The following C10orf53 variants were observed in gnomAD, a reference collection of about 807,000 sequenced individuals.
C10orf53 encodes UPF0728 protein C10orf53.
In C10orf53, 8 loss-of-function variants were observed where a neutral mutation model predicts 9.4. The ratio of observed to expected loss-of-function variants is 0.85; its 90% CI spans 0.50 to 1.53. The LOEUF (loss-of-function observed/expected upper bound fraction) is 1.53, where lower values mean the gene tolerates loss of function less well. Ranked by LOEUF, C10orf53 falls within the 40% of genes most tolerant of loss-of-function variation. The probability of loss-of-function intolerance (pLI) is 0.00; values close to 1 mark genes in which losing one functional copy is unlikely to be tolerated. For missense variants in C10orf53, 117 were observed against 117.8 expected (o/e 0.99, Z 0.03); for synonymous variants, 48 against 46.0 (o/e 1.04, Z -0.18).
chr10:49,709,402 T>G (rs147199848), exon 3 of C10orf53: 1 of 152,256 alleles, frequency 6.6e-6, no homozygotes, highest in East Asian at 1.9e-4. Flanking sequence ...CTCGGCAGCA[T>G]GACCATGGGC....
downstream of C10orf53, among the ~76,000 whole-genome samples, chr10:49,699,814 G>A (rs1311199284): frequency 2.6e-5 from 4 of 152,156 alleles, no homozygotes. Context: ...ATGAAATAAA[G>A]ACATTTGAGA....
chr10:49,694,635 C>T lies in C10orf53; in HGVS notation c.*33C>T, dbSNP rs201121438. ...ATGGAACAGGCATCTCAAGTCGGCACAACAGCAGCTGCCCCAGCCATTCTA... is the reference window on the plus strand; with the variant it reads ...ATGGAACAGGCATCTCAAGTCGGCATAACAGCAGCTGCCCCAGCCATTCTA... On this transcript the variant is annotated 3_prime_UTR_variant, in exon 3 of 3. Coordinates refer to ENST00000374111, the MANE Select transcript of C10orf53 (RefSeq NM_001042427.3). The T allele has an allele frequency of 5.6e-4, 899 of 1,613,678 alleles. No individual in the cohort carries two copies. The highest frequency in any genetic ancestry group is 7.0e-4 in the Non-Finnish European group (831 of 1,179,922).
At position 49,708,614 on chromosome 10, in the gene C10orf53, C is replaced by A; in HGVS notation, c.471C>A (p.Tyr157Ter). The A allele has an allele frequency of 6.2e-7, 1 of 1,613,978 alleles. No homozygotes were observed. Among genetic ancestry groups the A allele is most frequent in the Non-Finnish European group, 8.5e-7 (1 of 1,179,974 alleles). ...TAGAGAAGAGGGGAACTCAGCCCTA[C>A]TGAAATCGACAGGACAGATTGTGGG... The change falls in exon 3 of 3, where the codon TAC becomes TAA. Residue 157 changes from tyrosine to a stop codon, truncating the protein, a stop_gained. Transcript: ENST00000374112. LOFTEE classifies it high-confidence loss of function.
chr10:49,686,635 C>T (rs1190933710), intron 1 of C10orf53, among the ~76,000 whole-genome samples: 1 of 152,194 alleles, frequency 6.6e-6, no homozygotes, highest in Non-Finnish European at 1.5e-5. Flanking sequence ...CTAGGAGTAT[C>T]TGTCTTATGC....
chr10:49,704,308 C>T (rs1313581965), intron 2 of C10orf53, among the ~76,000 whole-genome samples: 2 of 152,144 alleles, frequency 1.3e-5, no homozygotes, highest in Non-Finnish European at 2.9e-5. Flanking sequence ...TCCCACAAAT[C>T]ACTAAGAAAA....
chr10:49,694,806 A>G lies in C10orf53; in HGVS notation c.*204A>G, dbSNP rs1840619719. 1 of 1,389,898 alleles carries G rather than the reference A, an allele frequency of 7.2e-7. No homozygotes were observed. Among genetic ancestry groups the G allele is most frequent in the African/African-American group, 1.4e-5 (1 of 69,066 alleles). 86.1% of individuals were successfully genotyped at this position (1,389,898 alleles called of 1,614,324 possible). A position where few individuals can be genotyped will look rare whatever the true frequency, so the allele number is the denominator to read the frequency against. On this transcript the variant is annotated 3_prime_UTR_variant, in exon 3 of 3. Transcript: ENST00000374111. ...AGCCCACAGAAATAATAAAAACCAC[A>G]TCATTTATAACATGTCTCAATCTCA...
intron 2 of C10orf53, chr10:49,694,297 A>C: frequency 1.6e-6 from 1 of 615,508 alleles, no homozygotes; most frequent in Non-Finnish European, 2.8e-6. Flanking sequence ...CCAGCAGTGC[A>C]TGACACTATC....
chr10:49,695,377 G>A lies in C10orf53; in HGVS notation c.*775G>A, dbSNP rs1460856653. ...TTACTTTCCACTCTTACGCACCAAT[G>A]TGTAGTATATATTCTTAACTATAGA... On this transcript the variant is annotated 3_prime_UTR_variant, in exon 3 of 3. Transcript: ENST00000374111. The A allele has an allele frequency of 6.6e-6, 1 of 152,160 alleles. No individual in the cohort carries two copies. The highest frequency in any genetic ancestry group is 1.9e-4 in the East Asian group (1 of 5,196). The allele number at this position is 152,160 out of a possible 1,614,324, so 9.4% of individuals were successfully genotyped here.
At chr10:49,708,273 T>C (rs2132894649) in intron 2 of C10orf53, 2 of 1,542,656 alleles carry the variant, frequency 1.3e-6, no homozygotes, top group Middle Eastern at 2.4e-4. Flanking sequence ...GCTATAGGCA[T>C]AGGTGAATAT....
At position 49,685,688 on chromosome 10, in the gene C10orf53, C is replaced by A. The variant is rs538605902; in HGVS notation, c.97+5894C>A. 7.2e-5 allele frequency among the ~76,000 whole-genome samples: 11 copies of A among 152,256 alleles called. No individual in the cohort carries two copies. The South Asian group carries it at 2.3e-3, about 32-fold the overall frequency. On this transcript the variant is annotated intron_variant, in intron 1 of 2. Transcript: ENST00000374111. ...CACTGCCTTCTGGCCTCCATGGATT[C>A]TGATGAGAAAGCTGATAATCTTATT...
intron 1 of C10orf53, 21 bp from the exon 2 acceptor site, chr10:49,693,753 C>T: frequency 6.2e-7 from 1 of 1,610,680 alleles, no homozygotes; most frequent in African/African-American, 1.3e-5. Context: ...TGTCACTCAC[C>T]TCCTTTTCTT....
At chr10:49,683,141 C>T (rs1487385462) in intron 1 of C10orf53, among the ~76,000 whole-genome samples, 1 of 152,184 alleles carries the variant, frequency 6.6e-6, no homozygotes, top group East Asian at 1.9e-4. Flanking sequence ...AAACTGTTTT[C>T]CAAAGCAGCT....
intron 2 of C10orf53, among the ~76,000 whole-genome samples, chr10:49,704,693 G>A (rs569063387): frequency 2.6e-5 from 4 of 152,218 alleles, no homozygotes; most frequent in Admixed American, 6.5e-5. Flanking sequence ...GCAGTGAGTC[G>A]AGATTGCACC....
In C10orf53 at chr10:49,696,184, CA is replaced by C. The variant is rs1653584872; in HGVS notation, c.*1583del. On this transcript the variant is annotated 3_prime_UTR_variant, in exon 3 of 3. Coordinates refer to ENST00000374111, the MANE Select transcript of C10orf53 (RefSeq NM_001042427.3). ...AATTTTTCAACTTTTATTTTAGATA[CA>C]GGGGGTACATGGGCAGGTATGTTGA... 1 of 152,096 alleles carries C rather than the reference CA, an allele frequency of 6.6e-6. No individual in the cohort carries two copies. Among genetic ancestry groups the C allele is most frequent in the East Asian group, 1.9e-4 (1 of 5,188 alleles). The allele number at this position is 152,096 out of a possible 1,614,324, so 9.4% of individuals were successfully genotyped here. A position where few individuals can be genotyped will look rare whatever the true frequency, so the allele number is the denominator to read the frequency against.
At chr10:49,680,889 A>G (rs1717017498) in intron 1 of C10orf53, among the ~76,000 whole-genome samples, 2 of 152,220 alleles carry the variant, frequency 1.3e-5, no homozygotes, top group South Asian at 4.1e-4. Flanking sequence ...GACACCAAAG[A>G]TGGACCAAAA....
intron 2 of C10orf53, 138 bp downstream of exon 2, chr10:49,694,031 C>A (rs207470878): frequency 6.5e-6 from 8 of 1,226,806 alleles, no homozygotes; most frequent in Non-Finnish European, 9.3e-6. Context: ...TACTGAAAGC[C>A]CTGTGCTTTC....
intron 1 of C10orf53, among the ~76,000 whole-genome samples, chr10:49,685,191 T>G (rs1167309093): frequency 3.3e-5 from 5 of 152,032 alleles, no homozygotes; most frequent in African/African-American, 1.2e-4. Context: ...ACTTTTGATT[T>G]TTGACTATAT....
Position 49,695,045 on chromosome 10 carries a change from C to A in C10orf53, c.*443C>A. 3 of 734,258 alleles carry A rather than the reference C, an allele frequency of 4.1e-6. No homozygotes were observed. Among genetic ancestry groups the A allele is most frequent in the South Asian group, 1.2e-4 (2 of 16,230 alleles). 45.5% of individuals were successfully genotyped at this position (734,258 alleles called of 1,614,324 possible). On this transcript the variant is annotated 3_prime_UTR_variant, in exon 3 of 3. Coordinates refer to ENST00000374111, the MANE Select transcript of C10orf53 (RefSeq NM_001042427.3). ...AATAAAGGCTTTTGAAAGTCTGAAC[C>A]AAAAGCAAATGTTAATATTTGGAAA...
In C10orf53 at chr10:49,697,246, T is replaced by C. The variant is rs947500582; in HGVS notation, c.*2644T>C. 1.3e-5 allele frequency among the ~76,000 whole-genome samples: 2 copies of C among 152,130 alleles called. No homozygotes were observed. Among genetic ancestry groups the C allele is most frequent in the Non-Finnish European group, 2.9e-5 (2 of 68,026 alleles). The stretch of plus-strand genomic sequence containing the variant: ...AAGCCACCTGTCTATGGCCTTATCC[T>C]CCTCTGTCACTGATTAAGAGGAACT... On this transcript the variant is annotated 3_prime_UTR_variant, in exon 3 of 3. Transcript: ENST00000374111.
Sources: gnomAD v4.1 joint callset for allele counts (sites outside exome capture counted in the v4.1 genomes callset) on GRCh38, gnomAD v4.1.1 for gene constraint, MANE v1.5 for transcripts, NCBI Gene and HGNC (gene_info 2026-07-23, HGNC 2026-07-21) for gene names.